Variants in USP34 observed in about 807,000 individuals in gnomAD.
The protein encoded by USP34 is ubiquitin specific peptidase 34.
In USP34, 70 loss-of-function variants were observed where a neutral mutation model predicts 460.3. The ratio of observed to expected loss-of-function variants is 0.15; its 90% CI spans 0.13 to 0.19. The LOEUF (loss-of-function observed/expected upper bound fraction) is 0.19, where lower values mean the gene tolerates loss of function less well. USP34 is among the 10% of genes least tolerant of loss of function. The pLI, the probability that USP34 is intolerant of heterozygous loss-of-function variation, is 1.00. For missense variants in USP34, 3,985 were observed against 4,236.2 expected (o/e 0.94, Z 1.65); for synonymous variants, 1,647 against 1,405.3 (o/e 1.17, Z -3.85).
Position 61,348,140 on chromosome 2 carries a change from C to G in USP34, c.2015G>C (p.Gly672Ala). The change falls in exon 15 of 80, where the codon GGA becomes GCA. Residue 672 changes from glycine to alanine, a missense_variant. By Grantham distance (60) the Gly-to-Ala change is moderately conservative. Transcript: ENST00000398571. ...TTCAGTGTTAAAAACCAGGTCCTTT[C>G]CTGTTCCGCTGCTTGTCCCATTTCT... ...SERNGTSSGTGKDLVFNTESL... is the reference protein window; with the variant it reads ...SERNGTSSGTAKDLVFNTESL... 6.2e-7 allele frequency: 1 copy of G among 1,614,212 alleles called. No individual in the cohort carries two copies. The highest frequency in any genetic ancestry group is 8.5e-7 in the Non-Finnish European group (1 of 1,180,036).
rs551130346 is a variant in USP34, at chr2:61,344,013, TATC to T, written c.2299_2301del (p.Asp767del). 115 of 1,613,840 alleles carry T rather than the reference TATC, an allele frequency of 7.1e-5. No individual in the cohort carries two copies. The South Asian group carries it at 8.9e-4, about 12-fold the overall frequency. On this transcript the variant is annotated inframe_deletion, in exon 16 of 80. Transcript: ENST00000398571. ...CAACTGACATCATCTGCACTTAGCA[TATC>T]ATCAACCATATGCCTACAAAACAGA...
chr2:61,457,925 G>A (rs1558606644), intron 1 of USP34, among the ~76,000 whole-genome samples: 1 of 152,182 alleles, frequency 6.6e-6, no homozygotes, highest in Non-Finnish European at 1.5e-5. Flanking sequence ...ACAAAAGCAA[G>A]GACTGACAGT....
intron 1 of USP34, among the ~76,000 whole-genome samples, chr2:61,437,646 A>ACG: frequency 6.6e-6 from 1 of 151,900 alleles, no homozygotes; most frequent in Non-Finnish European, 1.5e-5. Context: ...GGTGGCAGGC[A>ACG]CCTGCAGTCC....
At chr2:61,201,803 A>G (rs899727691) in intron 75 of USP34, among the ~76,000 whole-genome samples, 5 of 152,214 alleles carry the variant, frequency 3.3e-5, no homozygotes, top group African/African-American at 1.2e-4. Context: ...AGTATAAATT[A>G]TATGAACACA....
chr2:61,470,379 A>G (rs1695915711), intron 1 of USP34, among the ~76,000 whole-genome samples: 1 of 151,886 alleles, frequency 6.6e-6, no homozygotes, highest in Non-Finnish European at 1.5e-5. Flanking sequence ...GACACCTGTA[A>G]TGAGGAAACT....
At chr2:61,190,866 A>AT (rs1686619400) in intron 76 of USP34, 2 of 502,252 alleles carry the variant, frequency 4.0e-6, no homozygotes, top group African/African-American at 3.9e-5. Flanking sequence ...ACTAATTTAG[A>AT]TTAAGGGAGT....
At chr2:61,327,249 G>A (rs1489560088) in intron 20 of USP34, among the ~76,000 whole-genome samples, 1 of 152,158 alleles carries the variant, frequency 6.6e-6, no homozygotes, top group African/African-American at 2.4e-5. Context: ...GCTCTTTAGG[G>A]TCTCTTATTA....
chr2:61,418,037 G>C (rs758106401), intron 2 of USP34, among the ~76,000 whole-genome samples: 2 of 150,472 alleles, frequency 1.3e-5, no homozygotes, highest in African/African-American at 4.9e-5. Context: ...CATTACCCTG[G>C]GCCTAAAATC....
intron 22 of USP34, among the ~76,000 whole-genome samples, chr2:61,318,329 T>G (rs371263634): frequency 1.8e-4 from 28 of 152,240 alleles, no homozygotes; most frequent in South Asian, 6.2e-4. Flanking sequence ...TAAAGACAAC[T>G]ATCATGCATT....
intron 16 of USP34, among the ~76,000 whole-genome samples, chr2:61,340,887 G>T: frequency 2.0e-5 from 3 of 148,186 alleles, no homozygotes; most frequent in African/African-American, 2.5e-5. Flanking sequence ...ATGGGTGGGG[G>T]GACTGTTTTG....
intron 29 of USP34, 99 bp from the exon 30 acceptor site, chr2:61,297,024 GT>G: frequency 2.1e-6 from 3 of 1,430,612 alleles, no homozygotes; most frequent in East Asian, 2.4e-5. Flanking sequence ...TTTGCTAATA[GT>G]TTTTAGCCTC....
At position 61,303,476 on chromosome 2, in the gene USP34, G is replaced by A. The variant is rs139123949; in HGVS notation, c.3818-2022C>T. Among the ~76,000 whole-genome samples, 371 of 152,230 alleles carry A rather than the reference G, an allele frequency of 2.4e-3. 3 individuals carry two copies. The highest frequency in any genetic ancestry group is 8.4e-3 in the African/African-American group (348 of 41,536). Reference sequence around the variant, plus strand: ...AATCTAATAGCGATACCATTTTATAGTGTATTTTACTTTATTCAAATCATT... The same window carrying A: ...AATCTAATAGCGATACCATTTTATAATGTATTTTACTTTATTCAAATCATT... On this transcript the variant is annotated intron_variant, in intron 27 of 79. Transcript: ENST00000398571.
chr2:61,407,741 G>A (rs2103940127), intron 2 of USP34, among the ~76,000 whole-genome samples: 1 of 152,270 alleles, frequency 6.6e-6, no homozygotes, highest in South Asian at 2.1e-4. Context: ...TTACTCTAGA[G>A]GAAGCCACCT....
At chr2:61,283,314 A>C (rs1689590346) in intron 36 of USP34, 45 bp from the exon 37 acceptor site, 1 of 1,594,028 alleles carries the variant, frequency 6.3e-7, no homozygotes, top group South Asian at 1.2e-5. Context: ...GGTTTGTGCT[A>C]AAATGAAAAC....
At chr2:61,277,372 G>A (rs1350375854) in intron 41 of USP34, among the ~76,000 whole-genome samples, 1 of 151,792 alleles carries the variant, frequency 6.6e-6, no homozygotes, top group Non-Finnish European at 1.5e-5. Flanking sequence ...GAGTAGCTGA[G>A]ACTACAGGTG....
chr2:61,335,249 T>C (rs531294694), intron 18 of USP34, among the ~76,000 whole-genome samples: 2 of 152,346 alleles, frequency 1.3e-5, no homozygotes, highest in East Asian at 1.9e-4. Context: ...CTATAATGAC[T>C]ATGAGATGTT....
chr2:61,356,498 CAT>C (rs770056106), intron 10 of USP34, among the ~76,000 whole-genome samples: 42,488 of 146,830 alleles, frequency 0.29, 6,014 homozygotes, highest in South Asian at 0.38. Context: ...CACACACACA[CAT>C]ACACACACAC....
intron 72 of USP34, among the ~76,000 whole-genome samples, chr2:61,205,135 C>T (rs540611265): frequency 1.2e-3 from 181 of 152,296 alleles, no homozygotes; most frequent in African/African-American, 4.3e-3. Flanking sequence ...GCATGGATTA[C>T]AGGCATGAGC....
At position 61,314,888 on chromosome 2, in the gene USP34, G is replaced by C. The variant is rs1189234785; in HGVS notation, c.3369C>G (p.Ser1123=). The change falls in exon 24 of 80, where the codon TCC becomes TCG. Residue 1123 remains serine (S), a synonymous_variant. Coordinates refer to ENST00000398571, the MANE Select transcript of USP34 (RefSeq NM_014709.4). ...CAAATCACTTACCATTAATATAATAGGAGTTAATATACTGGATAGCTGCTC... is the reference window on the plus strand; with the variant it reads ...CAAATCACTTACCATTAATATAATACGAGTTAATATACTGGATAGCTGCTC... ...VSRAAIQYIN[S]YYINGKTGLE... 8.7e-6 allele frequency: 14 copies of C among 1,611,218 alleles called. No homozygotes were observed. Among genetic ancestry groups the C allele is most frequent in the Non-Finnish European group, 1.2e-5 (14 of 1,179,256 alleles).
Sources: allele counts gnomAD v4.1 joint callset (sites outside exome capture counted in the v4.1 genomes callset), GRCh38; gene constraint gnomAD v4.1.1; transcripts MANE v1.5; gene names NCBI Gene and HGNC (gene_info 2026-07-23, HGNC 2026-07-21).